The following GLIS3 variants were observed in gnomAD, a reference collection of about 807,000 sequenced individuals.
The protein encoded by GLIS3 is GLIS family zinc finger 3.
In GLIS3, 53 loss-of-function variants were observed where a neutral mutation model predicts 78.6. The observed-to-expected ratio is 0.67, with a 90% confidence interval of 0.54 to 0.85. The LOEUF is 0.85. Ranked by LOEUF, GLIS3 falls within the 40% of genes least tolerant of loss-of-function variation. The pLI, the probability that GLIS3 is intolerant of heterozygous loss-of-function variation, is 0.00. For missense variants in GLIS3, 1,703 were observed against 1,231.1 expected (o/e 1.38, Z -5.74); for synonymous variants, 684 against 509.9 (o/e 1.34, Z -4.60).
At chr9:4,355,684 G>A in the GLIS3 span, among the ~76,000 whole-genome samples, 1 of 152,136 alleles carries the variant, frequency 6.6e-6, no homozygotes, top group Non-Finnish European at 1.5e-5. Flanking sequence ...CACTAACTCA[G>A]CAAACCTCTT....
At chr9:4,097,436 T>C (rs1830046176) in intron 4 of GLIS3, among the ~76,000 whole-genome samples, 1 of 151,996 alleles carries the variant, frequency 6.6e-6, no homozygotes, top group Non-Finnish European at 1.5e-5. Flanking sequence ...GCTCAGCTGA[T>C]GGTCTTCTCA....
chr9:3,951,841 A>AACACACAC (rs3061609), intron 4 of GLIS3, among the ~76,000 whole-genome samples: 14,831 of 130,362 alleles, frequency 0.11, 997 homozygotes, highest in African/African-American at 0.14. Flanking sequence ...AATAAGCATG[A>AACACACAC]ACACACACAC....
At chr9:4,197,242 A>T (rs1419718227) in intron 2 of GLIS3, among the ~76,000 whole-genome samples, 1 of 151,110 alleles carries the variant, frequency 6.6e-6, no homozygotes, top group African/African-American at 2.4e-5. Flanking sequence ...CACCTTCCCT[A>T]TGCAGAGATG....
At chr9:4,226,941 A>C (rs1302291107) in intron 2 of GLIS3, among the ~76,000 whole-genome samples, 2 of 152,224 alleles carry the variant, frequency 1.3e-5, no homozygotes, top group Admixed American at 6.5e-5. Context: ...ATTCATGCTT[A>C]AGAGGTGCAT....
chr9:3,948,715 T>C (rs780788136), intron 4 of GLIS3, among the ~76,000 whole-genome samples: 1 of 152,162 alleles, frequency 6.6e-6, no homozygotes, highest in African/African-American at 2.4e-5. Context: ...TTATTTAGAG[T>C]AGTTGGCCTT....
intron 4 of GLIS3, among the ~76,000 whole-genome samples, chr9:3,956,274 T>A (rs1817106720): frequency 6.6e-6 from 1 of 152,090 alleles, no homozygotes; most frequent in South Asian, 2.1e-4. Flanking sequence ...AGTCTCAAGC[T>A]TAGAGAAAAA....
chr9:3,867,470 T>C (rs752030703), intron 8 of GLIS3, among the ~76,000 whole-genome samples: 2 of 152,214 alleles, frequency 1.3e-5, no homozygotes, highest in Non-Finnish European at 2.9e-5. Flanking sequence ...GCTTTGGCCA[T>C]GGATCCTCAA....
At chr9:4,009,165 C>T (rs946855492) in intron 4 of GLIS3, among the ~76,000 whole-genome samples, 3 of 152,168 alleles carry the variant, frequency 2.0e-5, no homozygotes, top group Admixed American at 1.3e-4. Flanking sequence ...CTTCCAGAGC[C>T]GTTCCTGAAC....
chr9:3,955,677 A>C (rs1817053072), intron 4 of GLIS3, among the ~76,000 whole-genome samples: 1 of 152,146 alleles, frequency 6.6e-6, no homozygotes, highest in Non-Finnish European at 1.5e-5. Context: ...TAAGCATGAA[A>C]AGTAGCAAAA....
rs1554630096 is a variant in GLIS3 at position 4,236,204 on chromosome 9, A to AG, written c.388+49833_388+49834insC. 6.5e-3 allele frequency among the ~76,000 whole-genome samples: 562 copies of AG among 86,410 alleles called. 5 individuals carry two copies. Among genetic ancestry groups the AG allele is most frequent in the African/African-American group, 0.023 (531 of 23,184 alleles). 56.7% of individuals were successfully genotyped at this position (86,410 alleles called of 152,430 possible). ...TGTCACAAAAAAAAAAAAAAAAAAA[A>AG]AAAGAAAGAAAGAAAGAAAGGAAAA... On this transcript the variant is annotated intron_variant, in intron 2 of 10. Transcript: ENST00000381971.
intron 2 of GLIS3, among the ~76,000 whole-genome samples, chr9:4,129,921 G>C (rs1477120140): frequency 2.6e-5 from 4 of 152,196 alleles, no homozygotes; most frequent in Non-Finnish European, 4.4e-5. Context: ...TGCTGACAGT[G>C]ATATGGACAG....
At chr9:3,971,815 C>T (rs1818402202) in intron 4 of GLIS3, among the ~76,000 whole-genome samples, 2 of 152,168 alleles carry the variant, frequency 1.3e-5, no homozygotes, top group Admixed American at 1.3e-4. Context: ...CTGGACTATT[C>T]TGCTGCTTCC....
chr9:4,424,928 C>T, the GLIS3 span, among the ~76,000 whole-genome samples: 7 of 151,742 alleles, frequency 4.6e-5, no homozygotes, highest in East Asian at 5.8e-4. Context: ...TTGTGGCCAA[C>T]GTGTTCTGGA....
upstream of GLIS3, among the ~76,000 whole-genome samples, chr9:4,351,883 C>T (rs536832495): frequency 6.6e-6 from 1 of 151,914 alleles, no homozygotes; most frequent in South Asian, 2.1e-4. Flanking sequence ...AAAATGCACA[C>T]AGGATTCTGA....
intron 4 of GLIS3, chr9:4,305,454 TAAGG>T (rs1817204283): frequency 6.6e-6 from 1 of 152,210 alleles, no homozygotes; most frequent in Non-Finnish European, 1.5e-5. Context: ...CCCCTATTGA[TAAGG>T]AGCCCAGCCC....
chr9:4,423,013 G>A, the GLIS3 span, among the ~76,000 whole-genome samples: 1 of 152,120 alleles, frequency 6.6e-6, no homozygotes. Flanking sequence ...TGTGTTCTAA[G>A]GGTCAGGTGG....
At chr9:3,910,487 C>A (rs138083309) in intron 6 of GLIS3, among the ~76,000 whole-genome samples, 1 of 152,272 alleles carries the variant, frequency 6.6e-6, no homozygotes, top group Non-Finnish European at 1.5e-5. Context: ...GTAGCTGAGA[C>A]CACAGGCATG....
rs756547082 is a variant in GLIS3 at position 3,828,423 on chromosome 9, ACGC to A, written c.2657-18_2657-16del. 11 of 1,612,444 alleles carry A rather than the reference ACGC, an allele frequency of 6.8e-6. No homozygotes were observed. The highest frequency in any genetic ancestry group is 4.4e-5 in the South Asian group (4 of 91,008). On this transcript the variant is annotated splice_polypyrimidine_tract_variant and intron_variant, in intron 10 of 10. Coordinates refer to ENST00000381971, the MANE Select transcript of GLIS3 (RefSeq NM_001042413.2). ...TAAATCATACACTGGAAGAGAAAGA[ACGC>A]AGTTAAGTCAGTAACTCCTGCCCCA...
the GLIS3 span, among the ~76,000 whole-genome samples, chr9:4,416,577 G>T: frequency 6.6e-6 from 1 of 151,700 alleles, no homozygotes; most frequent in Non-Finnish European, 1.5e-5. Flanking sequence ...TCTAAATTTG[G>T]ATCAGCTTCC....
Sources: allele counts gnomAD v4.1 joint callset (sites outside exome capture counted in the v4.1 genomes callset), GRCh38; gene constraint gnomAD v4.1.1; transcripts MANE v1.5; gene names NCBI Gene and HGNC (gene_info 2026-07-23, HGNC 2026-07-21).